Variants in KCNAB2 observed in about 807,000 individuals in gnomAD.
KCNAB2 encodes voltage-gated potassium channel subunit beta-2.
KCNAB2 carries 29 observed loss-of-function variants against 63.6 expected under a neutral mutation model. The ratio of observed to expected loss-of-function variants is 0.46; its 90% CI spans 0.34 to 0.62. The LOEUF (loss-of-function observed/expected upper bound fraction) is 0.62, where lower values mean the gene tolerates loss of function less well. KCNAB2 is among the 20% of genes least tolerant of loss of function. KCNAB2 has a pLI of 0.01. For missense variants in KCNAB2, 359 were observed against 563.9 expected (o/e 0.64, Z 3.68); for synonymous variants, 222 against 224.2 (o/e 0.99, Z 0.09).
At chr1:6,040,858 C>A (rs1392276157) in intron 2 of KCNAB2, among the ~76,000 whole-genome samples, 1 of 152,270 alleles carries the variant, frequency 6.6e-6, no homozygotes, top group Non-Finnish European at 1.5e-5. Context: ...GAAAGAAAAA[C>A]CAAAACTTTT....
intron 5 of KCNAB2, 151 bp from the exon 6 acceptor site, chr1:6,085,053 T>G: frequency 2.7e-6 from 2 of 748,582 alleles, no homozygotes; most frequent in Non-Finnish European, 4.7e-6. Context: ...GTCTGTGGAA[T>G]GAGCTACTGA....
intron 2 of KCNAB2, among the ~76,000 whole-genome samples, chr1:6,066,796 C>T (rs892363076): frequency 4.6e-5 from 7 of 152,242 alleles, no homozygotes; most frequent in African/African-American, 1.7e-4. Context: ...TGAGCCAGGC[C>T]CAGGGCCCAA....
chr1:6,038,403 A>G (rs1660224680), intron 1 of KCNAB2, among the ~76,000 whole-genome samples: 1 of 151,954 alleles, frequency 6.6e-6, no homozygotes. Flanking sequence ...CAATCCTCCC[A>G]CCTCAGCCTC....
chr1:6,012,870 C>A (rs923026428), intron 1 of KCNAB2, among the ~76,000 whole-genome samples: 9 of 151,998 alleles, frequency 5.9e-5, no homozygotes, highest in Admixed American at 5.9e-4. Context: ...CTCACCCATG[C>A]ACGCATGCCC....
chr1:6,010,330 C>T (rs961155014), intron 1 of KCNAB2, among the ~76,000 whole-genome samples: 1 of 152,190 alleles, frequency 6.6e-6, no homozygotes, highest in East Asian at 1.9e-4. Context: ...CATGGTGGCT[C>T]ACACCTGTAG....
chr1:6,073,907 G>C lies in KCNAB2; in HGVS notation c.300+137G>C. On this transcript the variant is annotated intron_variant, in intron 4 of 15. Coordinates refer to ENST00000378083, the MANE Select transcript of KCNAB2 (RefSeq NM_001199862.2). The surrounding 1 kb of genome is among the most constrained non-coding windows in gnomAD (Gnocchi z 5.7). ...GCCTCCCTCCCTCTTTCTGTTTTGT[G>C]AGGGCGCCCTGCCCCAGGGGAGAGT... 1 of 876,718 alleles carries C rather than the reference G, an allele frequency of 1.1e-6. No homozygotes were observed. The highest frequency in any genetic ancestry group is 1.8e-6 in the Non-Finnish European group (1 of 541,166). The allele number at this position is 876,718 out of a possible 1,614,324, so 54.3% of individuals were successfully genotyped here.
chr1:6,048,541 C>A (rs1661127878), intron 1 of KCNAB2, among the ~76,000 whole-genome samples: 1 of 152,270 alleles, frequency 6.6e-6, no homozygotes, highest in African/African-American at 2.4e-5. Flanking sequence ...CCACCCCGTC[C>A]TCCAGCCCCG....
In KCNAB2 at chr1:6,078,526, C is replaced by CG. The variant is rs1217925259; in HGVS notation, c.301-3664dup. ...CGTGGTGGTCCAGAGAAAGAGCCTT[C>CG]GGGGGCCAAGGGGACAACCAAGGCA... On this transcript the variant is annotated intron_variant, in intron 4 of 15. Transcript: ENST00000378083. The surrounding 1 kb of genome is among the most constrained non-coding windows in gnomAD (Gnocchi z 4.2). 1.3e-5 allele frequency among the ~76,000 whole-genome samples: 2 copies of CG among 151,824 alleles called. No homozygotes were observed. The highest frequency in any genetic ancestry group is 4.8e-5 in the African/African-American group (2 of 41,278).
intron 1 of KCNAB2, chr1:6,018,582 G>C (rs911883355): frequency 6.6e-6 from 1 of 152,218 alleles, no homozygotes; most frequent in African/African-American, 2.4e-5. Context: ...CAAGTAGCTG[G>C]GACCACAGGT....
At chr1:6,085,337 C>A in intron 6 of KCNAB2, 89 bp downstream of exon 6, 1 of 1,136,244 alleles carries the variant, frequency 8.8e-7, no homozygotes, top group South Asian at 1.3e-5. Flanking sequence ...CGTGCAGTGT[C>A]GTAAGGCCCG....
chr1:6,099,764 T>C lies in KCNAB2; in HGVS notation c.*1190T>C. 1 of 1,463,218 alleles carries C rather than the reference T, an allele frequency of 6.8e-7. No individual in the cohort carries two copies. The highest frequency in any genetic ancestry group is 9.0e-7 in the Non-Finnish European group (1 of 1,106,262). The allele number at this position is 1,463,218 out of a possible 1,614,324, so 90.6% of individuals were successfully genotyped here. ...GAAAAGACCTCAGGGAACCTCTCCCTGGAAAGACGGGCAGGGCTGGTTAGC... is the reference window on the plus strand; with the variant it reads ...GAAAAGACCTCAGGGAACCTCTCCCCGGAAAGACGGGCAGGGCTGGTTAGC... On this transcript the variant is annotated 3_prime_UTR_variant, in exon 16 of 16. Coordinates refer to ENST00000378083, the MANE Select transcript of KCNAB2 (RefSeq NM_001199862.2).
intron 4 of KCNAB2, among the ~76,000 whole-genome samples, chr1:6,079,236 C>T (rs1485594940): frequency 6.6e-6 from 1 of 151,672 alleles, no homozygotes; most frequent in African/African-American, 2.4e-5. Context: ...CTGACAAACT[C>T]CTAAACACCC....
chr1:5,995,370 T>C (rs903683345), intron 1 of KCNAB2, among the ~76,000 whole-genome samples: 2 of 152,124 alleles, frequency 1.3e-5, no homozygotes, highest in South Asian at 2.1e-4. Flanking sequence ...ACTTCCTACT[T>C]ATTTGAGCCC....
rs2100740372 is a variant in KCNAB2 at position 6,086,340 on chromosome 1, T to C, written c.425+1092T>C. 1 of 984,312 alleles carries C rather than the reference T, an allele frequency of 1.0e-6. No individual in the cohort carries two copies. Among genetic ancestry groups the C allele is most frequent in the African/African-American group, 1.8e-5 (1 of 56,834 alleles). 61.0% of individuals were successfully genotyped at this position (984,312 alleles called of 1,614,324 possible). Reference sequence around the variant, plus strand: ...TCCCAAAACAAATTCCTCCTCACCCTGTAATTAAACGAAATTGCACGTATT... The same window carrying C: ...TCCCAAAACAAATTCCTCCTCACCCCGTAATTAAACGAAATTGCACGTATT... On this transcript the variant is annotated intron_variant, in intron 6 of 15. Coordinates refer to ENST00000378083, the MANE Select transcript of KCNAB2 (RefSeq NM_001199862.2). The surrounding 1 kb of genome is among the most constrained non-coding windows in gnomAD (Gnocchi z 4.2).
At chr1:6,064,726 G>A (rs188218553) in intron 2 of KCNAB2, among the ~76,000 whole-genome samples, 248 of 152,246 alleles carry the variant, frequency 1.6e-3, no homozygotes, top group African/African-American at 5.6e-3. Flanking sequence ...CCTATCCCCC[G>A]TCACCCCACC....
Position 6,003,233 on chromosome 1 carries a change from C to T in KCNAB2, c.-53+10445C>T, listed in dbSNP as rs1657362405. 6.6e-6 allele frequency among the ~76,000 whole-genome samples: 1 copy of T among 152,226 alleles called. No homozygotes were observed. Among genetic ancestry groups the T allele is most frequent in the Admixed American group, 6.5e-5 (1 of 15,290 alleles). ...CCTGCTGGCTGCAGGGGCTCCAGAG[C>T]CTGTGCTACAAGCCCGGGTGGCCGG... On this transcript the variant is annotated intron_variant, in intron 1 of 16. Coordinates refer to the KCNAB2 transcript ENST00000341524. This position sits in a 1 kb window ranked among gnomAD's most constrained non-coding sequence, Gnocchi z 4.1.
chr1:6,051,658 G>A lies in KCNAB2; in HGVS notation c.122G>A (p.Arg41Gln), dbSNP rs530635823. Residue 41 changes from arginine to glutamine, a missense_variant, in exon 2 of 16, where the codon CGG (arginine) becomes CAG (glutamine). Arg to Gln is a conservative substitution (Grantham distance 43). This residue lies in a region of KCNAB2 where 88 missense variants were observed against 87.8 expected (regional missense o/e 1.00). Transcript: ENST00000378083. ...GAACTGCAGCGGCTGCGGGAGGTGC[G>A]GGCGGCTGCCCAGGCCAGGAACATG... Reference protein sequence around the residue: ...TLELQRLREVRAAAQARNMES... With the variant: ...TLELQRLREVQAAAQARNMES... 1,309 of 1,534,078 alleles carry A rather than the reference G, an allele frequency of 8.5e-4. 3 individuals are homozygous for A. The Middle Eastern group carries it at 0.011, about 12-fold the overall frequency.
chr1:6,049,038 A>G (rs981862590), intron 1 of KCNAB2, among the ~76,000 whole-genome samples: 1 of 152,170 alleles, frequency 6.6e-6, no homozygotes, highest in African/African-American at 2.4e-5. Flanking sequence ...TCCAGCAGCC[A>G]CCACCCCTCC....
chr1:6,096,405 A>G lies in KCNAB2; in HGVS notation c.949-231A>G. The G allele has an allele frequency of 1.7e-6, 1 of 592,998 alleles. No homozygotes were observed. Among genetic ancestry groups the G allele is most frequent in the South Asian group, 2.0e-5 (1 of 49,150 alleles). 36.7% of individuals were successfully genotyped at this position (592,998 alleles called of 1,614,324 possible). ...GTTGGGCCAGCACCACAGTCTTTGCACTTCAGAGCCTGGACAGGCCCCGCT... is the reference window on the plus strand; with the variant it reads ...GTTGGGCCAGCACCACAGTCTTTGCGCTTCAGAGCCTGGACAGGCCCCGCT... On this transcript the variant is annotated intron_variant, in intron 13 of 15. Coordinates refer to ENST00000378083, the MANE Select transcript of KCNAB2 (RefSeq NM_001199862.2). The surrounding 1 kb of genome is among the most constrained non-coding windows in gnomAD (Gnocchi z 5.9).
Sources: allele counts gnomAD v4.1 joint callset (sites outside exome capture counted in the v4.1 genomes callset), GRCh38; gene constraint gnomAD v4.1.1; regional missense constraint gnomAD v4.1.1; non-coding constraint Gnocchi (gnomAD v3.1); transcripts MANE v1.5; gene names NCBI Gene and HGNC (gene_info 2026-07-23, HGNC 2026-07-21).